GBP3: variants seen among roughly 807,000 people sequenced by gnomAD.
GBP3 encodes the protein guanylate binding protein 3, also known as guanylate-binding protein 3.
In GBP3, 55 loss-of-function variants were observed where a neutral mutation model predicts 62.4. The observed-to-expected ratio is 0.88, with a 90% CI of 0.71 to 1.10. GBP3 has a LOEUF of 1.10. Among genes scored for constraint, GBP3 ranks in the 50% least tolerant of loss-of-function variants. The pLI, the probability that GBP3 is intolerant of heterozygous loss-of-function variation, is 0.00. For synonymous variants in GBP3, 208 were observed against 259.2 expected, an observed-to-expected ratio of 0.80 and a Z score of 1.90; for missense variants, 605 against 690.6, an observed-to-expected ratio of 0.88 and a Z score of 1.39.
At chr1:89,022,435 G>C (rs549033816) in intron 1 of GBP3, among the ~76,000 whole-genome samples, 1 of 152,324 alleles carries the variant, frequency 6.6e-6, no homozygotes, top group South Asian at 2.1e-4. Flanking sequence ...TTTAGTTGCT[G>C]TCTGCTGGTG....
chr1:89,007,916 G>T, intron 10 of GBP3, 64 bp from the exon 11 acceptor site: 1 of 1,431,932 alleles, frequency 7.0e-7, no homozygotes, highest in Non-Finnish European at 9.5e-7. Context: ...AAGCTATCTA[G>T]TTTCCACATG....
At position 89,010,700 on chromosome 1, in the gene GBP3, C is replaced by T. The variant is rs1010547626; in HGVS notation, c.1362+204G>A. 1.0e-4 allele frequency among the ~76,000 whole-genome samples: 14 copies of T among 138,774 alleles called. 3 individuals are homozygous for T. Among genetic ancestry groups the T allele is most frequent in the Non-Finnish European group, 2.2e-4 (13 of 60,196 alleles). The allele number at this position is 138,774 out of a possible 152,430, so 91.0% of individuals were successfully genotyped here. On this transcript the variant is annotated intron_variant, in intron 8 of 10. Transcript: ENST00000370481. Reference sequence around the variant, plus strand: ...TGTTAGGATTACAGGCTTGAGCCACCGCACCCGCCGACTGCACTCTCTTTG... The same window carrying T: ...TGTTAGGATTACAGGCTTGAGCCACTGCACCCGCCGACTGCACTCTCTTTG...
At chr1:89,015,488 G>C (rs1212467569) in intron 2 of GBP3, 74 bp from the exon 3 acceptor site, 2 of 1,417,346 alleles carry the variant, frequency 1.4e-6, no homozygotes, top group Non-Finnish European at 1.9e-6. Flanking sequence ...GGCAAATGTA[G>C]CATCATGATT....
chr1:89,021,504 G>GCGCA (rs1217828478), intron 1 of GBP3, among the ~76,000 whole-genome samples: 1 of 66,294 alleles, frequency 1.5e-5, no homozygotes, highest in Non-Finnish European at 3.2e-5. Context: ...ACGCATGCGC[G>GCGCA]CGCGCGCACA....
At chr1:89,015,744 TAAAAAAAAAA>T (rs58886103) in intron 2 of GBP3, among the ~76,000 whole-genome samples, 1 of 86,032 alleles carries the variant, frequency 1.2e-5, no homozygotes, top group African/African-American at 4.8e-5. Context: ...ACTCTTGTCT[TAAAAAAAAAA>T]AAAAAAAAAA....
In GBP3 at chr1:89,009,063, T is replaced by C; in HGVS notation, c.1543A>G (p.Met515Val). 1 of 1,614,200 alleles carries C rather than the reference T, an allele frequency of 6.2e-7. No individual in the cohort carries two copies. Among genetic ancestry groups the C allele is most frequent in the African/African-American group, 1.3e-5 (1 of 75,068 alleles). ...TGATAACTCTTCTCTTTCTCTTCCA[T>C]CATCTGCTGATACTTTATTTGCATT... ...EEMQIKYQQMMEEKEKSYQEH... is the reference protein window; with the variant it reads ...EEMQIKYQQMVEEKEKSYQEH... Residue 515 changes from methionine to valine, a missense_variant, in exon 10 of 11, where the codon ATG (methionine) becomes GTG (valine). Around this residue, in one of 3 missense-constraint regions of GBP3, gnomAD observed 160 missense variants for 147.8 expected, o/e 1.08. Coordinates refer to ENST00000370481, the MANE Select transcript of GBP3 (RefSeq NM_018284.3).
At chr1:89,017,082 G>A (rs1423577344) in intron 2 of GBP3, among the ~76,000 whole-genome samples, 4 of 152,114 alleles carry the variant, frequency 2.6e-5, no homozygotes, top group Admixed American at 1.3e-4. Context: ...AAGAAAGTCA[G>A]AGGCTCACAG....
Position 89,013,311 on chromosome 1 carries a change from G to C in GBP3, c.742C>G (p.Leu248Val). ...AGCTCTTCATCTTGTAGTTTCTCAA[G>C]CTGGGCAAGCTTCCTGCGGTGAATG... Reference protein sequence around the residue: ...LPIHRRKLAQLEKLQDEELDP... With the variant: ...LPIHRRKLAQVEKLQDEELDP... Residue 248 changes from leucine (L) to valine (V), a missense_variant, in exon 6 of 11, where the codon CTT becomes GTT. By Grantham distance (32) the Leu-to-Val change is conservative. This residue lies in a region of GBP3 where 308 missense variants were observed against 318.0 expected (regional missense o/e 0.97). Coordinates refer to ENST00000370481, the MANE Select transcript of GBP3 (RefSeq NM_018284.3). 1 of 1,614,208 alleles carries C rather than the reference G, an allele frequency of 6.2e-7. No individual in the cohort carries two copies. Among genetic ancestry groups the C allele is most frequent in the East Asian group, 2.2e-5 (1 of 44,892 alleles).
In GBP3 at chr1:89,012,206, G is replaced by A. The variant is rs141433057; in HGVS notation, c.869-179C>T. 1.1e-3 allele frequency among the ~76,000 whole-genome samples: 152 copies of A among 139,022 alleles called. 8 individuals carry two copies. The highest frequency in any genetic ancestry group is 3.7e-3 in the African/African-American group (151 of 40,622). 91.2% of individuals were successfully genotyped at this position (139,022 alleles called of 152,430 possible). On this transcript the variant is annotated intron_variant, in intron 6 of 10. Transcript: ENST00000370481. ...TCTGTCCCAGATCTACTGAATTAGAGTTTTTTCTTTGGGTAAGATCCCTAG... is the reference window on the plus strand; with the variant it reads ...TCTGTCCCAGATCTACTGAATTAGAATTTTTTCTTTGGGTAAGATCCCTAG...
chr1:89,011,305 G>C (rs1349327517), intron 7 of GBP3, among the ~76,000 whole-genome samples, 189 bp from the exon 8 acceptor site: 1 of 139,584 alleles, frequency 7.2e-6, no homozygotes, highest in Non-Finnish European at 1.7e-5. Context: ...TTAGAGGTGA[G>C]GTTCAGGGCT....
intron 8 of GBP3, among the ~76,000 whole-genome samples, chr1:89,010,363 G>T (rs1302408279): frequency 1.5e-5 from 2 of 137,580 alleles, no homozygotes; most frequent in Admixed American, 1.5e-4. Flanking sequence ...CTTGTGATCT[G>T]CCTGCCTCAG....
At position 89,011,983 on chromosome 1, in the gene GBP3, C is replaced by A; in HGVS notation, c.913G>T (p.Gly305Trp). The change falls in exon 7 of 11, where the codon GGG becomes TGG. Residue 305 changes from glycine (G) to tryptophan (W), a missense_variant. Transcript: ENST00000370481. ...VLTYINAISRGDLPCMENAVL... is the reference protein window; with the variant it reads ...VLTYINAISRWDLPCMENAVL... The stretch of plus-strand genomic sequence containing the variant: ...GCGTTCTCCATGCAGGGCAGATCCC[C>A]TCTGCTGATAGCATTGATATAGGTC... 10 of 1,462,538 alleles carry A rather than the reference C, an allele frequency of 6.8e-6. 3 individuals carry two copies. The highest frequency in any genetic ancestry group is 9.5e-6 in the Non-Finnish European group (10 of 1,055,306). The allele number at this position is 1,462,538 out of a possible 1,614,324, so 90.6% of individuals were successfully genotyped here. A position where few individuals can be genotyped will look rare whatever the true frequency, so the allele number is the denominator to read the frequency against.
At chr1:89,021,584 A>G (rs1679221889) in intron 1 of GBP3, among the ~76,000 whole-genome samples, 1 of 151,920 alleles carries the variant, frequency 6.6e-6, no homozygotes, top group Non-Finnish European at 1.5e-5. Context: ...AGCAACAACA[A>G]AAAACCCCAT....
At chr1:89,013,613 C>T in intron 5 of GBP3, 186 bp from the exon 6 acceptor site, 1 of 635,968 alleles carries the variant, frequency 1.6e-6, no homozygotes, top group Non-Finnish European at 2.6e-6. Context: ...CAAAAAACCT[C>T]ACTTAGAAAG....
chr1:89,022,091 T>G (rs1338578760), intron 1 of GBP3, among the ~76,000 whole-genome samples: 1 of 152,124 alleles, frequency 6.6e-6, no homozygotes, highest in South Asian at 2.1e-4. Context: ...AGGAAGCTCT[T>G]TAGCCTGGAT....
At position 89,014,114 on chromosome 1, in the gene GBP3, C is replaced by T. The variant is rs1678742429; in HGVS notation, c.594G>A (p.Glu198=). Residue 198 remains glutamate, a synonymous_variant, in exon 5 of 11, where the codon GAG becomes GAA. Coordinates refer to ENST00000370481, the MANE Select transcript of GBP3 (RefSeq NM_018284.3). ...TTAGCTTCAGGGAATACTCCAGGTA[C>T]TCATCTGGTGTGAGGGGTTGTCCAT... ...EADGQPLTPD[E]YLEYSLKLTQ... The T allele has an allele frequency of 1.2e-6, 2 of 1,614,190 alleles. No individual in the cohort carries two copies. The highest frequency in any genetic ancestry group is 1.7e-6 in the Non-Finnish European group (2 of 1,180,016).
chr1:89,014,772 A>G (rs1464445791), intron 3 of GBP3, 116 bp from the exon 4 acceptor site: 4 of 1,284,068 alleles, frequency 3.1e-6, no homozygotes, highest in Non-Finnish European at 4.3e-6. Context: ...CTAATGACCT[A>G]TGAAAAGAAC....
chr1:89,015,718 T>C (rs1305232485), intron 2 of GBP3, among the ~76,000 whole-genome samples: 2 of 126,964 alleles, frequency 1.6e-5, no homozygotes, highest in East Asian at 2.3e-4. Context: ...CACTCCAGCC[T>C]GGGCAACAGA....
chr1:89,018,936 G>A (rs12116799), intron 2 of GBP3, among the ~76,000 whole-genome samples: 1 of 152,230 alleles, frequency 6.6e-6, no homozygotes, highest in Admixed American at 6.5e-5. Flanking sequence ...TGCATTGCAG[G>A]CTGCTGGCCA....
Sources: allele counts gnomAD v4.1 joint callset (sites outside exome capture counted in the v4.1 genomes callset), GRCh38; gene constraint gnomAD v4.1.1; regional missense constraint gnomAD v4.1.1; transcripts MANE v1.5; gene names NCBI Gene and HGNC (gene_info 2026-07-23, HGNC 2026-07-21).